Variants in KCNJ2 observed in about 807,000 individuals in gnomAD.
KCNJ2 encodes potassium inwardly rectifying channel subfamily J member 2.
In KCNJ2, 12 loss-of-function variants were observed where a neutral mutation model predicts 28.4. The ratio of observed to expected loss-of-function variants is 0.42; its 90% CI spans 0.27 to 0.68. The LOEUF is 0.68. Ranked by LOEUF, KCNJ2 falls within the 30% of genes least tolerant of loss-of-function variation. KCNJ2 has a pLI of 0.23. For missense variants in KCNJ2, 320 were observed against 551.3 expected (o/e 0.58, Z 4.20); for synonymous variants, 200 against 203.2 (o/e 0.98, Z 0.13).
rs117409545 is a variant in KCNJ2, at chr17:70,177,919, A to C, written c.*1596A>C. 0.023 allele frequency: 3,789 copies of C among 166,866 alleles called. 55 individuals carry two copies. Among genetic ancestry groups the C allele is most frequent in the Non-Finnish European group, 0.038 (2,585 of 68,108 alleles). 10.3% of individuals were successfully genotyped at this position (166,866 alleles called of 1,614,324 possible). A position where few individuals can be genotyped will look rare whatever the true frequency, so the allele number is the denominator to read the frequency against. ...ATTTTCTCCTGTGGAGCCCTAGAGC[A>C]GGTTACTAAGGAAGGACACATTGTT... On this transcript the variant is annotated 3_prime_UTR_variant, in exon 2 of 2. Coordinates refer to ENST00000243457, the MANE Select transcript of KCNJ2 (RefSeq NM_000891.3).
chr17:70,174,796 G>T (rs763190814), intron 1 of KCNJ2, 28 bp from the exon 2 acceptor site: 6 of 567,840 alleles, frequency 1.1e-5, no homozygotes, highest in South Asian at 2.0e-5. Context: ...GGCTTATTTT[G>T]TAATGCACAG....
At position 70,175,511 on chromosome 17, in the gene KCNJ2, G is replaced by T; in HGVS notation, c.472G>T (p.Val158Phe). ...TGTCACGGATGAATGCCCAATTGCT[G>T]TTTTCATGGTGGTGTTCCAGTCAAT... ...RCVTDECPIA[V>F]FMVVFQSIVG... Residue 158 changes from valine to phenylalanine, a missense_variant, in exon 2 of 2, where the codon GTT becomes TTT. By Grantham distance (50) the Val-to-Phe change is conservative (BLOSUM62 -1). Coordinates refer to ENST00000243457, the MANE Select transcript of KCNJ2 (RefSeq NM_000891.3). This position sits in a 1 kb window ranked among gnomAD's most constrained non-coding sequence, Gnocchi z 8.3. 6.2e-7 allele frequency: 1 copy of T among 1,614,198 alleles called. No individual in the cohort carries two copies. The highest frequency in any genetic ancestry group is 8.5e-7 in the Non-Finnish European group (1 of 1,180,040).
Position 70,175,113 on chromosome 17 carries a change from C to T in KCNJ2, c.74C>T (p.Ala25Val). Residue 25 changes from alanine (A) to valine (V), a missense_variant, in exon 2 of 2, where the codon GCA (alanine) becomes GTA (valine). Transcript: ENST00000243457. The surrounding 1 kb of genome is among the most constrained non-coding windows in gnomAD (Gnocchi z 8.3). ...GACGGTATGAAGTTGGCCACCATGG[C>T]AGTTGCAAATGGCTTTGGGAACGGG... ...EEDGMKLATM[A>V]VANGFGNGKS... 3 of 1,614,196 alleles carry T rather than the reference C, an allele frequency of 1.9e-6. No individual in the cohort carries two copies. Among genetic ancestry groups the T allele is most frequent in the Non-Finnish European group, 2.5e-6 (3 of 1,180,026 alleles).
Position 70,176,228 on chromosome 17 carries a change from A to G in KCNJ2, c.1189A>G (p.Ser397Gly). Reference protein sequence around the residue: ...EDDSENGVPESTSTDTPPDID... With the variant: ...EDDSENGVPEGTSTDTPPDID... ...CGACAGTGAAAATGGAGTTCCAGAA[A>G]GCACTAGTACGGACACGCCCCCTGA... is the stretch of plus-strand genomic sequence containing the variant. Residue 397 changes from serine to glycine, a missense_variant, in exon 2 of 2, where the codon AGC (serine) becomes GGC (glycine). Around this residue, in one of 3 missense-constraint regions of KCNJ2, gnomAD observed 155 missense variants for 231.6 expected, o/e 0.67. Coordinates refer to ENST00000243457, the MANE Select transcript of KCNJ2 (RefSeq NM_000891.3). 6.8e-6 allele frequency: 11 copies of G among 1,614,154 alleles called. No individual in the cohort carries two copies. The highest frequency in any genetic ancestry group is 9.3e-6 in the Non-Finnish European group (11 of 1,180,032).
chr17:70,173,279 TG>T (rs1295643624), intron 1 of KCNJ2, among the ~76,000 whole-genome samples: 11 of 152,226 alleles, frequency 7.2e-5, no homozygotes, highest in African/African-American at 2.7e-4. Context: ...TGTTTGCGGC[TG>T]GCTTGGCTGA....
chr17:70,174,891 G>T lies in KCNJ2; in HGVS notation c.-149G>T, dbSNP rs2074382925. ...GCATGTCAGTAGACAGACCTTGGTA[G>T]AACCACAAGGCTCCCAGAGACACCC... On this transcript the variant is annotated 5_prime_UTR_variant, in exon 2 of 2. It removes the in-frame stop codon of an upstream open reading frame in the 5' UTR. Transcript: ENST00000243457. 2 of 766,626 alleles carry T rather than the reference G, an allele frequency of 2.6e-6. No individual in the cohort carries two copies. Among genetic ancestry groups the T allele is most frequent in the East Asian group, 5.3e-5 (2 of 37,448 alleles). 47.5% of individuals were successfully genotyped at this position (766,626 alleles called of 1,614,324 possible).
intron 1 of KCNJ2, among the ~76,000 whole-genome samples, chr17:70,172,175 C>T (rs2074368188): frequency 6.6e-6 from 1 of 151,916 alleles, no homozygotes; most frequent in African/African-American, 2.4e-5. Flanking sequence ...CCCCATCAAA[C>T]CTTGACAGGT....
At chr17:70,171,581 C>T (rs1481052673) in intron 1 of KCNJ2, among the ~76,000 whole-genome samples, 2 of 151,930 alleles carry the variant, frequency 1.3e-5, no homozygotes, top group Non-Finnish European at 2.9e-5. Context: ...CCTATATAGT[C>T]AAAGCAATTT....
Position 70,179,442 on chromosome 17 carries a change from G to A in KCNJ2, c.*3119G>A, listed in dbSNP as rs1252570851. ...AACTCTATTTTGATTATTGAGAAAG[G>A]AGTAGTTTTCTATCCCTCTAAGAGT... On this transcript the variant is annotated 3_prime_UTR_variant, in exon 2 of 2. Coordinates refer to ENST00000243457, the MANE Select transcript of KCNJ2 (RefSeq NM_000891.3). 1 of 166,868 alleles carries A rather than the reference G, an allele frequency of 6.0e-6. No homozygotes were observed. The highest frequency in any genetic ancestry group is 2.4e-5 in the African/African-American group (1 of 41,410). 10.3% of individuals were successfully genotyped at this position (166,868 alleles called of 1,614,324 possible). A position where few individuals can be genotyped will look rare whatever the true frequency, so the allele number is the denominator to read the frequency against.
intron 1 of KCNJ2, among the ~76,000 whole-genome samples, chr17:70,172,810 G>A (rs1265939287): frequency 1.3e-5 from 2 of 152,050 alleles, no homozygotes; most frequent in African/African-American, 2.4e-5. Flanking sequence ...TTTTTGAAAC[G>A]TATACCTGCG....
Position 70,179,093 on chromosome 17 carries a change from T to C in KCNJ2, c.*2770T>C, listed in dbSNP as rs1295142967. The C allele has an allele frequency of 6.7e-6, 1 of 149,640 alleles. No individual in the cohort carries two copies. The highest frequency in any genetic ancestry group is 1.5e-5 in the Non-Finnish European group (1 of 65,500). The allele number at this position is 149,640 out of a possible 1,614,324, so 9.3% of individuals were successfully genotyped here. A position where few individuals can be genotyped will look rare whatever the true frequency, so the allele number is the denominator to read the frequency against. ...TTTTTTTTTTTTTTTTTTTTTTTTT[T>C]TTTTTGTCAAGAGCCAAGACACAGG... On this transcript the variant is annotated 3_prime_UTR_variant, in exon 2 of 2. Transcript: ENST00000243457.
In KCNJ2 at chr17:70,178,077, T is replaced by C. The variant is rs930921463; in HGVS notation, c.*1754T>C. 2.4e-5 allele frequency: 4 copies of C among 164,588 alleles called. No individual in the cohort carries two copies. The highest frequency in any genetic ancestry group is 9.7e-5 in the African/African-American group (4 of 41,172). The allele number at this position is 164,588 out of a possible 1,614,324, so 10.2% of individuals were successfully genotyped here. A position where few individuals can be genotyped will look rare whatever the true frequency, so the allele number is the denominator to read the frequency against. ...AGTTCCCTATTTGTGAATTCTGGGA[T>C]TACTGACTTTTCTTTTTAATTGGAG... On this transcript the variant is annotated 3_prime_UTR_variant, in exon 2 of 2. Transcript: ENST00000243457.
Position 70,175,848 on chromosome 17 carries a change from T to C in KCNJ2, c.809T>C (p.Val270Ala), listed in dbSNP as rs1359665656. The C allele has an allele frequency of 6.2e-7, 1 of 1,614,128 alleles. No homozygotes were observed. The change falls in exon 2 of 2, where the codon GTC (valine) becomes GCC (alanine). Residue 270 changes from valine (V) to alanine (A), a missense_variant. Val to Ala is a moderately conservative substitution (Grantham distance 64). Coordinates refer to ENST00000243457, the MANE Select transcript of KCNJ2 (RefSeq NM_000891.3). The surrounding 1 kb of genome is among the most constrained non-coding windows in gnomAD (Gnocchi z 8.3). ...TTTCTGGTGTCCCCAATCACTATAG[T>C]CCATGAAATAGATGAAGACAGTCCT... ...RIFLVSPITI[V>A]HEIDEDSPLY... is the part of the protein sequence containing the mutation.
At chr17:70,171,518 A>G (rs1012737211) in intron 1 of KCNJ2, among the ~76,000 whole-genome samples, 8 of 147,762 alleles carry the variant, frequency 5.4e-5, no homozygotes, top group African/African-American at 2.1e-4. Context: ...GGACACATTT[A>G]CTCTCATTTG....
Position 70,175,802 on chromosome 17 carries a change from G to A in KCNJ2, c.763G>A (p.Asp255Asn), listed in dbSNP as rs1488131137. 6.2e-7 allele frequency: 1 copy of A among 1,614,226 alleles called. No homozygotes were observed. Among genetic ancestry groups the A allele is most frequent in the Non-Finnish European group, 8.5e-7 (1 of 1,180,046 alleles). The change falls in exon 2 of 2, where the codon GAC (aspartate) becomes AAC (asparagine). Residue 255 changes from aspartate to asparagine, a missense_variant. Asp to Asn is a conservative substitution (Grantham distance 23, BLOSUM62 1). Transcript: ENST00000243457. The surrounding 1 kb of genome is among the most constrained non-coding windows in gnomAD (Gnocchi z 8.3). Reference sequence around the variant, plus strand: ...TCAAATAGACATCAATGTTGGGTTTGACAGTGGAATCGATCGTATATTTCT... The same window carrying A: ...TCAAATAGACATCAATGTTGGGTTTAACAGTGGAATCGATCGTATATTTCT... ...LDQIDINVGF[D>N]SGIDRIFLVS...
chr17:70,172,393 T>C (rs1331770332), intron 1 of KCNJ2, among the ~76,000 whole-genome samples: 10 of 150,734 alleles, frequency 6.6e-5, no homozygotes, highest in Non-Finnish European at 1.5e-5. Context: ...TTCTAAATGA[T>C]GCTCCACATG....
chr17:70,174,162 A>AT (rs2074379055), intron 1 of KCNJ2, among the ~76,000 whole-genome samples: 1 of 152,028 alleles, frequency 6.6e-6, no homozygotes. Flanking sequence ...AGTTCCCTCT[A>AT]TTTTCAGGAT....
Position 70,179,198 on chromosome 17 carries a change from A to G in KCNJ2, c.*2875A>G, listed in dbSNP as rs2074413848. Reference sequence around the variant, plus strand: ...CTGGGTCTCCTTAATTAATGTACACATGTCATTAGAATGCAGACGGAGGGG... The same window carrying G: ...CTGGGTCTCCTTAATTAATGTACACGTGTCATTAGAATGCAGACGGAGGGG... On this transcript the variant is annotated 3_prime_UTR_variant, in exon 2 of 2. Coordinates refer to ENST00000243457, the MANE Select transcript of KCNJ2 (RefSeq NM_000891.3). 1 of 162,934 alleles carries G rather than the reference A, an allele frequency of 6.1e-6. No homozygotes were observed. Among genetic ancestry groups the G allele is most frequent in the Admixed American group, 7.0e-5 (1 of 14,284 alleles). The allele number at this position is 162,934 out of a possible 1,614,324, so 10.1% of individuals were successfully genotyped here.
rs140090605 is a variant in KCNJ2 at position 70,175,062 on chromosome 17, G to A, written c.23G>A (p.Arg8His). ...GCGATGGGCAGTGTGCGAACCAACC[G>A]CTACAGCATCGTCTCTTCAGAAGAA... Reference protein sequence around the residue: MGSVRTNRYSIVSSEEDG... With the variant: MGSVRTNHYSIVSSEEDG... Residue 8 changes from arginine (R) to histidine (H), a missense_variant, in exon 2 of 2, where the codon CGC (arginine) becomes CAC (histidine). Arg to His is a conservative substitution (Grantham distance 29, BLOSUM62 0). Around this residue, in one of 3 missense-constraint regions of KCNJ2, gnomAD observed 54 missense variants for 63.0 expected, o/e 0.86. Coordinates refer to ENST00000243457, the MANE Select transcript of KCNJ2 (RefSeq NM_000891.3). This position sits in a 1 kb window ranked among gnomAD's most constrained non-coding sequence, Gnocchi z 8.3. The A allele has an allele frequency of 2.4e-5, 39 of 1,614,018 alleles. No individual in the cohort carries two copies. The highest frequency in any genetic ancestry group is 3.1e-5 in the Non-Finnish European group (37 of 1,180,018).
Sources: allele counts gnomAD v4.1 joint callset (sites outside exome capture counted in the v4.1 genomes callset), GRCh38; gene constraint gnomAD v4.1.1; regional missense constraint gnomAD v4.1.1; non-coding constraint Gnocchi (gnomAD v3.1); transcripts MANE v1.5; gene names NCBI Gene and HGNC (gene_info 2026-07-23, HGNC 2026-07-21).